Variants in NR3C1 observed in about 807,000 individuals in gnomAD.
The protein encoded by NR3C1 is glucocorticoid receptor.
NR3C1 carries 14 observed loss-of-function variants against 74.0 expected under a neutral mutation model. That is an observed-to-expected ratio of 0.19 (90% CI 0.12 to 0.30). NR3C1 has a LOEUF of 0.30. Ranked by LOEUF, NR3C1 falls within the 10% of genes least tolerant of loss-of-function variation. The pLI is 1.00. For missense variants in NR3C1, 695 were observed against 909.8 expected (o/e 0.76, Z 3.04); for synonymous variants, 308 against 332.5 (o/e 0.93, Z 0.80).
intron 7 of NR3C1, among the ~76,000 whole-genome samples, chr5:143,288,185 C>T (rs1814966449): frequency 6.6e-6 from 1 of 150,384 alleles, no homozygotes; most frequent in Non-Finnish European, 1.5e-5. Flanking sequence ...GTGGCACAAT[C>T]TCGGCTTACT....
intron 2 of NR3C1, among the ~76,000 whole-genome samples, chr5:143,335,572 A>G (rs920477813): frequency 1.2e-4 from 18 of 152,242 alleles, no homozygotes; most frequent in Admixed American, 4.6e-4. Context: ...ACACTTCCAT[A>G]TATAGCCTGC....
chr5:143,403,333 G>T lies in NR3C1; in HGVS notation c.-136C>A, dbSNP rs538408177. ...ATATATTTTTTTTTTCTAAAAAAAG[G>T]AAGTAAACAGCCGCCCCTTTCTCCA... On this transcript the variant is annotated 5_prime_UTR_variant, in exon 1 of 9. Transcript: ENST00000394464. The T allele has an allele frequency of 1.0e-6, 1 of 985,306 alleles. No individual in the cohort carries two copies. The highest frequency in any genetic ancestry group is 4.7e-5 in the South Asian group (1 of 21,296). The allele number at this position is 985,306 out of a possible 1,614,324, so 61.0% of individuals were successfully genotyped here. A position where few individuals can be genotyped will look rare whatever the true frequency, so the allele number is the denominator to read the frequency against.
intron 2 of NR3C1, among the ~76,000 whole-genome samples, chr5:143,340,355 T>G (rs965030193): frequency 6.6e-6 from 1 of 151,984 alleles, no homozygotes; most frequent in Non-Finnish European, 1.5e-5. Context: ...CAGGCTTTTT[T>G]TGTGTGTGTA....
intron 2 of NR3C1, among the ~76,000 whole-genome samples, chr5:143,324,637 C>A (rs1824172410): frequency 6.6e-6 from 1 of 152,216 alleles, no homozygotes; most frequent in South Asian, 2.1e-4. Flanking sequence ...ATGCAAATAT[C>A]TGCAGCCAGC....
chr5:143,325,709 AT>A (rs1199557199), intron 2 of NR3C1, among the ~76,000 whole-genome samples: 2 of 152,224 alleles, frequency 1.3e-5, no homozygotes, highest in African/African-American at 4.8e-5. Context: ...AACAATATAC[AT>A]ATAGGATTTG....
At chr5:143,408,776 A>G (rs954699745) in intron 1 of NR3C1, among the ~76,000 whole-genome samples, 2 of 152,146 alleles carry the variant, frequency 1.3e-5, no homozygotes, top group Non-Finnish European at 2.9e-5. Context: ...GAGCACTTCA[A>G]AATTCAGATT....
chr5:143,313,724 A>G (rs1273084859), intron 3 of NR3C1, among the ~76,000 whole-genome samples: 1 of 152,204 alleles, frequency 6.6e-6, no homozygotes, highest in Non-Finnish European at 1.5e-5. Context: ...ACTTAACACC[A>G]TCATTTCATA....
chr5:143,291,493 G>A (rs533119157), intron 7 of NR3C1, among the ~76,000 whole-genome samples: 21 of 142,508 alleles, frequency 1.5e-4, no homozygotes, highest in Admixed American at 9.1e-4. Flanking sequence ...CAAAGTGTTG[G>A]GATTACCGGT....
At chr5:143,388,753 G>A (rs1297429620) in intron 2 of NR3C1, among the ~76,000 whole-genome samples, 1 of 152,102 alleles carries the variant, frequency 6.6e-6, no homozygotes, top group Non-Finnish European at 1.5e-5. Flanking sequence ...CCCAGAAAGA[G>A]GATTATTTCT....
intron 7 of NR3C1, 50 bp downstream of exon 7, chr5:143,295,410 G>C: frequency 6.2e-7 from 1 of 1,604,050 alleles, no homozygotes. Context: ...TTGTTTCTAG[G>C]CCTTCATATT....
At chr5:143,420,626 G>A (rs1751176073) in intron 1 of NR3C1, among the ~76,000 whole-genome samples, 1 of 152,140 alleles carries the variant, frequency 6.6e-6, no homozygotes. Context: ...GTCACAGATG[G>A]AAAGGGAGAA....
Position 143,280,183 on chromosome 5 carries a change from C to A in NR3C1, c.*1706G>T, listed in dbSNP as rs6187. 2.6e-5 allele frequency: 4 copies of A among 152,514 alleles called. No individual in the cohort carries two copies. In the East Asian group the frequency reaches 7.7e-4, roughly 29 times the overall value. 9.4% of individuals were successfully genotyped at this position (152,514 alleles called of 1,614,324 possible). On this transcript the variant is annotated 3_prime_UTR_variant, in exon 9 of 9. Coordinates refer to ENST00000394464, the MANE Select transcript of NR3C1 (RefSeq NM_000176.3). ...GGTTATCCATCAGCATTTCTTTGAC[C>A]CCTACAAAAAATATATAACATGTCA... is the stretch of plus-strand genomic sequence containing the variant.
chr5:143,407,684 C>T (rs1448235271), upstream of NR3C1, among the ~76,000 whole-genome samples: 1 of 152,208 alleles, frequency 6.6e-6, no homozygotes, highest in East Asian at 1.9e-4. Context: ...TGACTAATAA[C>T]CAAACCACTT....
chr5:143,389,204 G>T (rs1022594979), intron 2 of NR3C1, among the ~76,000 whole-genome samples: 2 of 152,112 alleles, frequency 1.3e-5, no homozygotes, highest in African/African-American at 4.8e-5. Context: ...TGCTCTCCAT[G>T]CTGCTGGGGA....
chr5:143,414,084 C>T (rs1231902985), intron 1 of NR3C1, among the ~76,000 whole-genome samples: 3 of 152,158 alleles, frequency 2.0e-5, no homozygotes, highest in Admixed American at 2.0e-4. Flanking sequence ...ATTGGTTTCA[C>T]TTCCTGCCTT....
chr5:143,405,204 G>T (rs1841030122), upstream of NR3C1: 5 of 985,836 alleles, frequency 5.1e-6, no homozygotes, highest in Non-Finnish European at 6.0e-6. Context: ...GTGCTGTGTG[G>T]GTTTAGGGTT....
chr5:143,402,047 A>G (rs948723364), intron 1 of NR3C1, among the ~76,000 whole-genome samples: 1 of 152,244 alleles, frequency 6.6e-6, no homozygotes, highest in African/African-American at 2.4e-5. Context: ...GTTAGGCAGC[A>G]TAAATGTCAC....
At chr5:143,428,927 G>T (rs1179874374) in intron 1 of NR3C1, among the ~76,000 whole-genome samples, 1 of 152,118 alleles carries the variant, frequency 6.6e-6, no homozygotes, top group African/African-American at 2.4e-5. Flanking sequence ...ATTTTGAAAA[G>T]GGCTGACTTT....
intron 7 of NR3C1, chr5:143,295,108 C>A (rs896287082): frequency 3.3e-5 from 33 of 985,266 alleles, no homozygotes; most frequent in African/African-American, 1.7e-5. Context: ...AAATTTTTAA[C>A]CAAATAACAG....
Sources: allele counts gnomAD v4.1 joint callset (sites outside exome capture counted in the v4.1 genomes callset), GRCh38; gene constraint gnomAD v4.1.1; transcripts MANE v1.5; gene names NCBI Gene and HGNC (gene_info 2026-07-23, HGNC 2026-07-21).